ERBIN: variants seen among roughly 807,000 people sequenced by gnomAD.
ERBIN encodes the protein densin-180-like protein.
In ERBIN, 60 loss-of-function variants were observed where a neutral mutation model predicts 158.4. That is an observed-to-expected ratio of 0.38 (90% CI 0.31 to 0.47). ERBIN has a LOEUF of 0.47. Ranked by LOEUF, ERBIN falls within the 20% of genes least tolerant of loss-of-function variation. ERBIN has a pLI of 0.99. For synonymous variants in ERBIN, 594 were observed against 557.2 expected (o/e 1.07, Z -0.93); for missense variants, 1,610 against 1,648.0 (o/e 0.98, Z 0.40).
At chr5:65,970,875 T>C (rs1019874469) in intron 1 of ERBIN, among the ~76,000 whole-genome samples, 1 of 152,160 alleles carries the variant, frequency 6.6e-6, no homozygotes, top group Admixed American at 6.5e-5. Context: ...CTGGGCTGGG[T>C]GGCTATCATG....
intron 15 of ERBIN, among the ~76,000 whole-genome samples, chr5:66,039,787 G>T (rs370079592): frequency 2.5e-4 from 38 of 151,988 alleles, no homozygotes; most frequent in African/African-American, 8.9e-4. Context: ...GAGGTTGTTT[G>T]TAAACCTATT....
At chr5:65,954,156 A>G (rs973865840) in intron 1 of ERBIN, among the ~76,000 whole-genome samples, 1 of 152,076 alleles carries the variant, frequency 6.6e-6, no homozygotes, top group Non-Finnish European at 1.5e-5. Context: ...CGATATATTA[A>G]AAGCGCATAT....
At chr5:66,073,096 C>T (rs1761673970) in intron 22 of ERBIN, among the ~76,000 whole-genome samples, 1 of 152,106 alleles carries the variant, frequency 6.6e-6, no homozygotes, top group African/African-American at 2.4e-5. Context: ...GAGTTTAATA[C>T]TTTCTAATTT....
chr5:66,038,210 C>T (rs1043261494), intron 14 of ERBIN, among the ~76,000 whole-genome samples, 173 bp from the exon 15 acceptor site: 1 of 151,956 alleles, frequency 6.6e-6, no homozygotes, highest in Non-Finnish European at 1.5e-5. Context: ...CAAATCAATG[C>T]CTAAAGTGTT....
intron 4 of ERBIN, among the ~76,000 whole-genome samples, chr5:66,004,389 T>C (rs116778134): frequency 0.021 from 3,109 of 149,466 alleles, 108 homozygotes; most frequent in African/African-American, 0.073. Flanking sequence ...CGTGTGTGTG[T>C]GCGCGCGCGT....
At chr5:66,070,835 A>G (rs1761461317) in intron 21 of ERBIN, among the ~76,000 whole-genome samples, 1 of 152,190 alleles carries the variant, frequency 6.6e-6, no homozygotes, top group Non-Finnish European at 1.5e-5. Flanking sequence ...TTAACTCTAT[A>G]TGTATGCTGT....
At position 66,054,051 on chromosome 5, in the gene ERBIN, C is replaced by T. The variant is rs145974638; in HGVS notation, c.2733C>T (p.Val911=). The stretch of plus-strand genomic sequence containing the variant: ...CTGCTGTTGATGGAAAAAATATAGT[C>T]AGGAGCAAGTCTGCCACACTGTTGT... ...ITSAVDGKNI[V]RSKSATLLYD... The change falls in exon 21 of 26, where the codon GTC becomes GTT. Residue 911 remains valine, a synonymous_variant. Coordinates refer to ENST00000284037, the MANE Select transcript of ERBIN (RefSeq NM_001253697.2). 1,891 of 1,614,112 alleles carry T rather than the reference C, an allele frequency of 1.2e-3. 1 individual carries two copies. Among genetic ancestry groups the T allele is most frequent in the Middle Eastern group, 3.3e-3 (20 of 6,060 alleles).
At position 66,025,823 on chromosome 5, in the gene ERBIN, A is replaced by C. The variant is rs570084607; in HGVS notation, c.891-25A>C. ...ATATAGGAAATCTTTAACAAATAAT[A>C]TATATTTCTTTTTTTAAATTAAAGG... On this transcript the variant is annotated intron_variant, in intron 11 of 25. Transcript: ENST00000284037. 2.3e-6 allele frequency: 3 copies of C among 1,323,330 alleles called. No individual in the cohort carries two copies. The Admixed American group carries it at 8.9e-5, about 39-fold the overall frequency. 82.0% of individuals were successfully genotyped at this position (1,323,330 alleles called of 1,614,324 possible).
chr5:66,053,922 G>A lies in ERBIN; in HGVS notation c.2604G>A (p.Val868=), dbSNP rs150730787. Residue 868 remains valine (V), a synonymous_variant, in exon 21 of 26, where the codon GTG becomes GTA. Coordinates refer to ENST00000284037, the MANE Select transcript of ERBIN (RefSeq NM_001253697.2). The stretch of plus-strand genomic sequence containing the variant: ...AAAGTGGTCCAGTTGGATCTGTTGT[G>A]AAATCTCATAGCATAACTAATATGG... ...PQKSGPVGSV[V]KSHSITNMEI... is the part of the protein sequence containing the mutation. The A allele has an allele frequency of 2.5e-6, 4 of 1,613,952 alleles. No individual in the cohort carries two copies. The highest frequency in any genetic ancestry group is 3.4e-6 in the Non-Finnish European group (4 of 1,180,004).
intron 1 of ERBIN, among the ~76,000 whole-genome samples, chr5:65,947,071 A>C (rs987064171): frequency 6.6e-6 from 1 of 152,086 alleles, no homozygotes; most frequent in Non-Finnish European, 1.5e-5. Context: ...TTCTAACAGC[A>C]TCTTTTGCAG....
intron 1 of ERBIN, among the ~76,000 whole-genome samples, chr5:65,930,907 G>C (rs1324902145): frequency 1.3e-5 from 2 of 152,092 alleles, no homozygotes; most frequent in Non-Finnish European, 2.9e-5. Flanking sequence ...AAGCACAATA[G>C]TACTCTATCA....
In ERBIN at chr5:66,077,043, T is replaced by G. The variant is rs569471808; in HGVS notation, c.4131+94T>G. 1.8e-4 allele frequency: 165 copies of G among 942,768 alleles called. No individual in the cohort carries two copies. The South Asian group carries it at 2.4e-3, about 14-fold the overall frequency. The allele number at this position is 942,768 out of a possible 1,614,324, so 58.4% of individuals were successfully genotyped here. On this transcript the variant is annotated intron_variant, in intron 25 of 25. Transcript: ENST00000284037. Reference sequence around the variant, plus strand: ...TCACTTTAACTTTGAAAATTGTGGGTGGGAGGCTGAGGCAGGAGAATGGCG... The same window carrying G: ...TCACTTTAACTTTGAAAATTGTGGGGGGGAGGCTGAGGCAGGAGAATGGCG...
chr5:66,051,002 A>T (rs367718878), intron 20 of ERBIN, 36 bp downstream of exon 20: 7 of 1,360,296 alleles, frequency 5.1e-6, no homozygotes, highest in Admixed American at 2.1e-5. Context: ...TTATTTATAC[A>T]ATAAATAGAA....
chr5:66,045,425 T>C (rs1016741753), intron 17 of ERBIN, among the ~76,000 whole-genome samples: 5 of 146,750 alleles, frequency 3.4e-5, no homozygotes, highest in Admixed American at 6.7e-5. Flanking sequence ...ATATGTAATA[T>C]AGTATATGTA....
chr5:65,969,722 G>A (rs1164970985), intron 1 of ERBIN, among the ~76,000 whole-genome samples: 1 of 152,110 alleles, frequency 6.6e-6, no homozygotes, highest in Non-Finnish European at 1.5e-5. Context: ...GCTTGATTTT[G>A]TGTCACTCTA....
chr5:66,013,439 G>A, intron 5 of ERBIN, 110 bp from the exon 6 acceptor site: 1 of 809,012 alleles, frequency 1.2e-6, no homozygotes, highest in Non-Finnish European at 2.1e-6. Context: ...ACTCATAACA[G>A]AAGCGACTGT....
rs1561380424 is a variant in ERBIN, at chr5:66,018,489, ATAT to A, written c.534-2829_534-2827del. ...TAATATATATTATATATTATATATT[ATAT>A]TATATAATATATATTATATATTATA... On this transcript the variant is annotated intron_variant, in intron 7 of 25. Transcript: ENST00000284037. Among the ~76,000 whole-genome samples the A allele has an allele frequency of 1.3e-4, 2 of 15,870 alleles. 1 individual carries two copies. The highest frequency in any genetic ancestry group is 3.9e-3 in the South Asian group (2 of 508). The allele number at this position is 15,870 out of a possible 152,430, so 10.4% of individuals were successfully genotyped here.
intron 1 of ERBIN, among the ~76,000 whole-genome samples, chr5:65,944,602 AC>A (rs1376916110): frequency 6.6e-6 from 1 of 151,894 alleles, no homozygotes; most frequent in Non-Finnish European, 1.5e-5. Flanking sequence ...ATGGGGTTTC[AC>A]CATGTTTGCC....
chr5:65,949,667 T>G (rs1746261161), intron 1 of ERBIN, among the ~76,000 whole-genome samples: 1 of 152,194 alleles, frequency 6.6e-6, no homozygotes, highest in Non-Finnish European at 1.5e-5. Context: ...TATCAACATC[T>G]TATATAGACA....
Sources: allele counts gnomAD v4.1 joint callset (sites outside exome capture counted in the v4.1 genomes callset), GRCh38; gene constraint gnomAD v4.1.1; transcripts MANE v1.5; gene names NCBI Gene and HGNC (gene_info 2026-07-23, HGNC 2026-07-21).